Variants in EYA1 observed in about 807,000 individuals in gnomAD.
EYA1 encodes protein phosphatase EYA1.
A neutral mutation model predicts 82.0 loss-of-function variants in EYA1; 16 were observed. That is an observed-to-expected ratio of 0.20 (90% confidence interval 0.13 to 0.30). The LOEUF (loss-of-function observed/expected upper bound fraction) is 0.30, where lower values mean the gene tolerates loss of function less well. EYA1 is among the 10% of genes least tolerant of loss of function. EYA1 has a pLI of 1.00. For synonymous variants in EYA1, 261 were observed against 264.4 expected (o/e 0.99, Z 0.12); for missense variants, 633 against 730.7 (o/e 0.87, Z 1.54).
chr8:71,485,387 T>C (rs949979194), intron 2 of EYA1, among the ~76,000 whole-genome samples: 1 of 152,176 alleles, frequency 6.6e-6, no homozygotes, highest in African/African-American at 2.4e-5. Context: ...AATGTGTTCC[T>C]TCTCAAAGTT....
chr8:71,229,463 A>G (rs1035946160), intron 12 of EYA1, among the ~76,000 whole-genome samples: 2 of 152,212 alleles, frequency 1.3e-5, no homozygotes, highest in African/African-American at 4.8e-5. Context: ...TGAAGAAAAG[A>G]CCATCTTTCA....
intron 2 of EYA1, among the ~76,000 whole-genome samples, chr8:71,511,417 G>GA (rs1182938141): frequency 6.6e-6 from 1 of 152,164 alleles, no homozygotes; most frequent in African/African-American, 2.4e-5. Flanking sequence ...GAAATGTGCA[G>GA]AAAACTGGCA....
chr8:71,425,042 C>T (rs1001618868), intron 2 of EYA1, among the ~76,000 whole-genome samples: 3 of 139,082 alleles, frequency 2.2e-5, no homozygotes, highest in South Asian at 2.2e-4. Context: ...GGGCGGATCA[C>T]GAGGTCAGGA....
chr8:71,374,725 T>C (rs1828269720), intron 2 of EYA1, among the ~76,000 whole-genome samples: 1 of 152,176 alleles, frequency 6.6e-6, no homozygotes, highest in African/African-American at 2.4e-5. Context: ...TGCAGCTTTA[T>C]TCACAATAGC....
At chr8:71,340,031 T>G (rs1212186876) in intron 3 of EYA1, among the ~76,000 whole-genome samples, 1 of 152,188 alleles carries the variant, frequency 6.6e-6, no homozygotes, top group Non-Finnish European at 1.5e-5. Context: ...CTATCCTAAT[T>G]ACCTTCTGCC....
chr8:71,227,032 T>C (rs1168380924), intron 12 of EYA1, among the ~76,000 whole-genome samples: 1 of 152,154 alleles, frequency 6.6e-6, no homozygotes, highest in Non-Finnish European at 1.5e-5. Context: ...CAAATTATAT[T>C]GTACAATTTT....
intron 12 of EYA1, among the ~76,000 whole-genome samples, chr8:71,218,096 A>C (rs1290097721): frequency 6.6e-6 from 1 of 152,196 alleles, no homozygotes; most frequent in Non-Finnish European, 1.5e-5. Flanking sequence ...CAAATACCCC[A>C]GAGGCCTTTA....
chr8:71,326,305 A>G lies in EYA1; in HGVS notation c.203-4037T>C, dbSNP rs1286485971. 4.6e-5 allele frequency among the ~76,000 whole-genome samples: 7 copies of G among 152,190 alleles called. No homozygotes were observed. In the East Asian group the frequency reaches 1.3e-3, roughly 29 times the overall value. On this transcript the variant is annotated intron_variant, in intron 4 of 17. Coordinates refer to ENST00000340726, the MANE Select transcript of EYA1 (RefSeq NM_000503.6). Reference sequence around the variant, plus strand: ...ATTCAGCCAATCAGGTCAAAAGCCTAGAAGTAAGTTTTGACTCTTCTCTTT... The same window carrying G: ...ATTCAGCCAATCAGGTCAAAAGCCTGGAAGTAAGTTTTGACTCTTCTCTTT...
chr8:71,529,665 T>G (rs1814103426), intron 2 of EYA1: 1 of 152,290 alleles, frequency 6.6e-6, no homozygotes, highest in Non-Finnish European at 1.5e-5. Flanking sequence ...AGGATCATGA[T>G]GCATCCAGGA....
At chr8:71,546,284 A>T (rs1280438583) in intron 1 of EYA1, among the ~76,000 whole-genome samples, 1 of 152,100 alleles carries the variant, frequency 6.6e-6, no homozygotes, top group African/African-American at 2.4e-5. Flanking sequence ...TGCAGAAACA[A>T]TTTTTATCCA....
intron 2 of EYA1, among the ~76,000 whole-genome samples, chr8:71,448,517 G>C (rs1041149215): frequency 1.1e-4 from 17 of 152,070 alleles, no homozygotes; most frequent in African/African-American, 4.1e-4. Flanking sequence ...CTTACCCATG[G>C]AGGGCTGGAA....
At chr8:71,235,501 T>A (rs1213569200) in intron 12 of EYA1, among the ~76,000 whole-genome samples, 2 of 152,110 alleles carry the variant, frequency 1.3e-5, no homozygotes, top group African/African-American at 4.8e-5. Context: ...CTCAGAGACA[T>A]CTCTTCCTGA....
intron 2 of EYA1, among the ~76,000 whole-genome samples, chr8:71,494,616 A>G (rs1811274349): frequency 6.6e-6 from 1 of 152,180 alleles, no homozygotes; most frequent in Non-Finnish European, 1.5e-5. Context: ...ATTTGTGAAT[A>G]ATTTGCTCGG....
rs1294453153 is a variant in EYA1 at position 71,340,637 on chromosome 8, G to A, written c.125-6463C>T. On this transcript the variant is annotated intron_variant, in intron 3 of 17. Coordinates refer to ENST00000340726, the MANE Select transcript of EYA1 (RefSeq NM_000503.6). The stretch of plus-strand genomic sequence containing the variant: ...ACTCAGGGGTGGTTTCTTATTCCTT[G>A]AACTATGTCTGTGTTTGTGACTCCT... Among the ~76,000 whole-genome samples the A allele has an allele frequency of 2.0e-5, 3 of 151,950 alleles. No homozygotes were observed. In the East Asian group the frequency reaches 5.8e-4, roughly 29 times the overall value.
chr8:71,438,042 T>C (rs1668832831), intron 2 of EYA1, among the ~76,000 whole-genome samples: 1 of 152,100 alleles, frequency 6.6e-6, no homozygotes, highest in African/African-American at 2.4e-5. Context: ...CATGAAGAGT[T>C]CCAGAAACCA....
chr8:71,439,390 G>A (rs971198240), intron 2 of EYA1, among the ~76,000 whole-genome samples: 2 of 152,142 alleles, frequency 1.3e-5, no homozygotes, highest in African/African-American at 4.8e-5. Flanking sequence ...AAGGGGGTAT[G>A]GAAAGAAACT....
At chr8:71,503,291 C>T (rs887259913) in intron 2 of EYA1, among the ~76,000 whole-genome samples, 10 of 151,888 alleles carry the variant, frequency 6.6e-5, no homozygotes, top group South Asian at 4.2e-4. Flanking sequence ...GTCAAGGGTT[C>T]GAGAAACCCC....
chr8:71,463,612 T>C (rs1808546032), intron 2 of EYA1, among the ~76,000 whole-genome samples: 3 of 134,082 alleles, frequency 2.2e-5, no homozygotes, highest in South Asian at 2.5e-4. Flanking sequence ...TCTCTCTCTC[T>C]CTCTCTCTCT....
chr8:71,328,697 C>T (rs929618914), intron 4 of EYA1, among the ~76,000 whole-genome samples: 13 of 152,292 alleles, frequency 8.5e-5, no homozygotes, highest in Middle Eastern at 3.4e-3. Context: ...GACAGATCTT[C>T]AACACTTCCA....
Sources: gnomAD v4.1 joint callset for allele counts (sites outside exome capture counted in the v4.1 genomes callset) on GRCh38, gnomAD v4.1.1 for gene constraint, MANE v1.5 for transcripts, NCBI Gene and HGNC (gene_info 2026-07-23, HGNC 2026-07-21) for gene names.